AK5: variants seen among roughly 807,000 people sequenced by gnomAD.
AK5 encodes adenylate kinase isoenzyme 5.
A neutral mutation model predicts 69.5 loss-of-function variants in AK5; 27 were observed. That is an observed-to-expected ratio of 0.39 (90% CI 0.29 to 0.54). The LOEUF (loss-of-function observed/expected upper bound fraction) is 0.54. AK5 is among the 20% of genes least tolerant of loss of function. The pLI is 0.71. For synonymous variants in AK5, 260 were observed against 244.4 expected (o/e 1.06, Z -0.60); for missense variants, 531 against 700.4 (o/e 0.76, Z 2.73).
chr1:77,498,975 A>C (rs920033775), intron 10 of AK5, among the ~76,000 whole-genome samples: 5 of 152,202 alleles, frequency 3.3e-5, no homozygotes, highest in African/African-American at 1.2e-4. Context: ...TGTGTCTCTG[A>C]AGCCCTGGGC....
rs1553161652 is a variant in AK5, at chr1:77,533,522, A to AAAAC, written c.1429-2322_1429-2321insCAAA. On this transcript the variant is annotated intron_variant, in intron 12 of 13. Coordinates refer to ENST00000354567, the MANE Select transcript of AK5 (RefSeq NM_174858.3). ...AGACTCTGTCACCAAAAAAAAAAAA[A>AAAAC]AAAAAAAAAAAAACAGATTCTGCTT... Among the ~76,000 whole-genome samples the AAAAC allele has an allele frequency of 3.5e-3, 523 of 147,968 alleles. 8 individuals carry two copies. Among genetic ancestry groups the AAAAC allele is most frequent in the African/African-American group, 0.013 (502 of 39,658 alleles).
chr1:77,312,572 A>C (rs1408420667), intron 5 of AK5, among the ~76,000 whole-genome samples: 1 of 150,834 alleles, frequency 6.6e-6, no homozygotes, highest in East Asian at 2.0e-4. Context: ...GCAAGATTGC[A>C]TCACCACACT....
intron 8 of AK5, among the ~76,000 whole-genome samples, chr1:77,455,819 GGTTT>G (rs1653448263): frequency 6.6e-6 from 1 of 152,128 alleles, no homozygotes. Context: ...AGCAAAGTTA[GGTTT>G]TGAAATCTCC....
chr1:77,404,977 A>G (rs1267403526), intron 6 of AK5, among the ~76,000 whole-genome samples: 1 of 152,230 alleles, frequency 6.6e-6, no homozygotes, highest in African/African-American at 2.4e-5. Flanking sequence ...CTCGGAGGAT[A>G]TAAGACCCCC....
At chr1:77,283,937 A>G (rs545565538) in intron 1 of AK5, among the ~76,000 whole-genome samples, 20 of 152,316 alleles carry the variant, frequency 1.3e-4, no homozygotes, top group Admixed American at 6.5e-4. Context: ...AAATGTGGGT[A>G]CTGTTTTTCC....
chr1:77,321,367 G>T (rs11162317), intron 5 of AK5, among the ~76,000 whole-genome samples: 15,147 of 152,072 alleles, frequency 0.1, 950 homozygotes, highest in East Asian at 0.2. Flanking sequence ...TACTCAGGAA[G>T]CTAAGGCAAG....
At chr1:77,502,873 C>A (rs893277470) in intron 10 of AK5, among the ~76,000 whole-genome samples, 4 of 152,172 alleles carry the variant, frequency 2.6e-5, no homozygotes, top group Non-Finnish European at 5.9e-5. Flanking sequence ...CTCACCAAAG[C>A]CCCAGGAATG....
intron 6 of AK5, among the ~76,000 whole-genome samples, chr1:77,388,748 GA>G (rs5775396): frequency 0.22 from 31,947 of 143,434 alleles, 3,528 homozygotes; most frequent in East Asian, 0.41. Context: ...AAGCTCTATG[GA>G]AAAAAAAAAA....
chr1:77,475,397 TAA>T (rs1654823553), intron 8 of AK5, among the ~76,000 whole-genome samples: 1 of 9,318 alleles, frequency 1.1e-4, no homozygotes, highest in Non-Finnish European at 2.7e-4. Context: ...TGTATATATA[TAA>T]TATATATGTA....
chr1:77,329,376 T>A (rs1403726460), intron 5 of AK5, among the ~76,000 whole-genome samples: 1 of 152,140 alleles, frequency 6.6e-6, no homozygotes, highest in African/African-American at 2.4e-5. Context: ...TAAAACACAC[T>A]TTCATGGGTC....
At chr1:77,353,842 C>G (rs954388088) in intron 6 of AK5, among the ~76,000 whole-genome samples, 1 of 152,108 alleles carries the variant, frequency 6.6e-6, no homozygotes, top group Non-Finnish European at 1.5e-5. Flanking sequence ...TACACAGACA[C>G]GCCACTGCTC....
rs71075732 is a variant in AK5, at chr1:77,367,579, A to ATATATATATATATATATTTT, written c.891+27011_891+27012insTATATATATATATATATTTT. The stretch of plus-strand genomic sequence containing the variant: ...TTTTTATATATATATATATATATAT[A>ATATATATATATATATATTTT]ATATATATGTTATATATGTAATATA... On this transcript the variant is annotated intron_variant, in intron 6 of 13. Coordinates refer to ENST00000354567, the MANE Select transcript of AK5 (RefSeq NM_174858.3). 5.6e-5 allele frequency among the ~76,000 whole-genome samples: 3 copies of ATATATATATATATATATTTT among 53,364 alleles called. 1 individual carries two copies. The highest frequency in any genetic ancestry group is 1.1e-4 in the African/African-American group (1 of 9,408). The allele number at this position is 53,364 out of a possible 152,430, so 35.0% of individuals were successfully genotyped here. A position where few individuals can be genotyped will look rare whatever the true frequency, so the allele number is the denominator to read the frequency against.
intron 13 of AK5, among the ~76,000 whole-genome samples, chr1:77,546,223 A>G (rs1470563530): frequency 6.6e-6 from 1 of 152,140 alleles, no homozygotes; most frequent in Non-Finnish European, 1.5e-5. Context: ...TGTGGTTGCT[A>G]TAATCACATA....
At chr1:77,331,284 G>C (rs552498830) in intron 5 of AK5, among the ~76,000 whole-genome samples, 2 of 152,020 alleles carry the variant, frequency 1.3e-5, no homozygotes, top group South Asian at 4.1e-4. Flanking sequence ...GAGCATCTTT[G>C]TTTCAGTCCT....
chr1:77,473,106 T>C (rs1343298153), intron 8 of AK5, among the ~76,000 whole-genome samples: 1 of 152,084 alleles, frequency 6.6e-6, no homozygotes, highest in Non-Finnish European at 1.5e-5. Flanking sequence ...ACATCTTTGC[T>C]GGGGGTGGGA....
chr1:77,386,209 G>T (rs959532667), intron 6 of AK5, among the ~76,000 whole-genome samples: 1 of 152,196 alleles, frequency 6.6e-6, no homozygotes, highest in Non-Finnish European at 1.5e-5. Context: ...TTTAGGCTGT[G>T]TGTGAAATTT....
chr1:77,420,008 A>G (rs185494791), intron 8 of AK5, among the ~76,000 whole-genome samples: 67 of 152,336 alleles, frequency 4.4e-4, no homozygotes, highest in Admixed American at 2.3e-3. Flanking sequence ...CACTTAGAAT[A>G]TAATTACATA....
chr1:77,434,797 T>G (rs555164775), intron 8 of AK5, among the ~76,000 whole-genome samples: 62 of 152,172 alleles, frequency 4.1e-4, no homozygotes, highest in Admixed American at 7.9e-4. Flanking sequence ...TCTAACCTGA[T>G]GAAAAACTAC....
intron 8 of AK5, among the ~76,000 whole-genome samples, chr1:77,482,721 A>G (rs917438088): frequency 6.6e-6 from 1 of 151,190 alleles, no homozygotes; most frequent in Admixed American, 6.6e-5. Context: ...CAGTGAGCCG[A>G]GACTGCACCA....
Sources: gnomAD v4.1 joint callset for allele counts (sites outside exome capture counted in the v4.1 genomes callset) on GRCh38, gnomAD v4.1.1 for gene constraint, MANE v1.5 for transcripts, NCBI Gene and HGNC (gene_info 2026-07-23, HGNC 2026-07-21) for gene names.